Variants in LCMT1 observed in about 807,000 individuals in gnomAD.
LCMT1 encodes the protein leucine carboxyl methyltransferase 1.
A neutral mutation model predicts 47.7 loss-of-function variants in LCMT1; 32 were observed. That is an observed-to-expected ratio of 0.67 (90% confidence interval 0.51 to 0.90). LCMT1 has a LOEUF of 0.90. Ranked by LOEUF, LCMT1 falls within the 40% of genes least tolerant of loss-of-function variation. The probability of loss-of-function intolerance (pLI) is 0.00; values close to 1 mark genes in which losing one functional copy is unlikely to be tolerated. For missense variants in LCMT1, 375 were observed against 415.2 expected (o/e 0.90, Z 0.84); for synonymous variants, 152 against 149.7 (o/e 1.02, Z -0.11).
chr16:25,124,004 G>A (rs552681156), intron 1 of LCMT1, among the ~76,000 whole-genome samples: 1 of 152,180 alleles, frequency 6.6e-6, no homozygotes, highest in Non-Finnish European at 1.5e-5. Context: ...AACTTGTTTC[G>A]CAGGGGTAAG....
intron 6 of LCMT1, among the ~76,000 whole-genome samples, chr16:25,161,530 A>G (rs1047326039): frequency 3.9e-5 from 6 of 151,902 alleles, no homozygotes; most frequent in Non-Finnish European, 8.8e-5. Context: ...CTAAGTTTGT[A>G]TTTTTAGTAG....
chr16:25,163,377 G>A (rs150193701), intron 6 of LCMT1, among the ~76,000 whole-genome samples: 33 of 151,962 alleles, frequency 2.2e-4, no homozygotes, highest in African/African-American at 8.0e-4. Flanking sequence ...GCCAAGGCAG[G>A]GGAACTGCTT....
chr16:25,124,365 C>T (rs1007782700), intron 1 of LCMT1, among the ~76,000 whole-genome samples: 1 of 152,156 alleles, frequency 6.6e-6, no homozygotes, highest in Non-Finnish European at 1.5e-5. Context: ...GTATGGGGGG[C>T]AGATTTAAAT....
chr16:25,112,213 G>T (rs554724306), intron 1 of LCMT1, among the ~76,000 whole-genome samples: 2 of 152,230 alleles, frequency 1.3e-5, no homozygotes, highest in African/African-American at 4.8e-5. Flanking sequence ...GGGCCAGCCT[G>T]GGTATCGTCG....
Position 25,166,655 on chromosome 16 carries a change from T to G in LCMT1, c.690+1937T>G, listed in dbSNP as rs985156886. 1.3e-5 allele frequency among the ~76,000 whole-genome samples: 2 copies of G among 152,190 alleles called. 1 individual carries two copies. Among genetic ancestry groups the G allele is most frequent in the East Asian group, 3.8e-4 (2 of 5,200 alleles). On this transcript the variant is annotated intron_variant, in intron 7 of 10. Transcript: ENST00000399069. Reference sequence around the variant, plus strand: ...TTTTAAATCTCCTTTTCTTTTTTATTTTATCACACATAAGAGCCATCAGGG... The same window carrying G: ...TTTTAAATCTCCTTTTCTTTTTTATGTTATCACACATAAGAGCCATCAGGG...
intron 1 of LCMT1, among the ~76,000 whole-genome samples, chr16:25,113,442 C>T (rs1959691814): frequency 6.6e-6 from 1 of 152,202 alleles, no homozygotes; most frequent in Non-Finnish European, 1.5e-5. Flanking sequence ...CTAAACTTTT[C>T]TGTGGCTCAG....
At chr16:25,163,706 A>C (rs1238355939) in intron 6 of LCMT1, among the ~76,000 whole-genome samples, 1 of 152,172 alleles carries the variant, frequency 6.6e-6, no homozygotes, top group African/African-American at 2.4e-5. Context: ...GAAGCATCTG[A>C]TAGGCCACTT....
chr16:25,158,216 C>T (rs1483474666), intron 5 of LCMT1, among the ~76,000 whole-genome samples: 2 of 152,116 alleles, frequency 1.3e-5, no homozygotes, highest in African/African-American at 4.8e-5. Context: ...CAGTGGCACA[C>T]TCTCAGCTCA....
intron 3 of LCMT1, among the ~76,000 whole-genome samples, chr16:25,136,420 G>A (rs1960505948): frequency 6.6e-6 from 1 of 151,586 alleles, no homozygotes; most frequent in South Asian, 2.1e-4. Flanking sequence ...AGAAGAAGTT[G>A]AAGCATCACT....
At chr16:25,177,921 C>G (rs187058508) in intron 10 of LCMT1, 80 bp from the exon 11 acceptor site, 3 of 1,245,674 alleles carry the variant, frequency 2.4e-6, no homozygotes, top group Non-Finnish European at 3.6e-6. Context: ...GCCCCTGAGC[C>G]GGTCACTGGG....
chr16:25,153,939 T>G (rs747523088), intron 5 of LCMT1, among the ~76,000 whole-genome samples: 4 of 151,892 alleles, frequency 2.6e-5, no homozygotes, highest in Non-Finnish European at 4.4e-5. Context: ...AGTGACAGCA[T>G]GAGATGAGAG....
chr16:25,151,551 T>C lies in LCMT1; in HGVS notation c.405-3T>C, dbSNP rs751041936. On this transcript the variant is annotated splice_polypyrimidine_tract_variant and splice_region_variant and intron_variant, in intron 4 of 10. Transcript: ENST00000399069. ...TTTTCTCCTCTTTCCCATCTTCCCA[T>C]AGATGCAAGCCTCCCCTATCCAGCC... is the stretch of plus-strand genomic sequence containing the variant. 5 of 1,611,856 alleles carry C rather than the reference T, an allele frequency of 3.1e-6. No individual in the cohort carries two copies. In the East Asian group the frequency reaches 6.7e-5, roughly 22 times the overall value.
intron 3 of LCMT1, among the ~76,000 whole-genome samples, chr16:25,134,780 T>C (rs1318736143): frequency 6.6e-6 from 1 of 152,192 alleles, no homozygotes; most frequent in African/African-American, 2.4e-5. Context: ...TTTGTATTTT[T>C]AGTAGAGCTA....
chr16:25,141,620 G>A (rs976074409), intron 4 of LCMT1: 2 of 152,304 alleles, frequency 1.3e-5, no homozygotes, highest in East Asian at 1.9e-4. Context: ...GCCTCCCAAA[G>A]TGCTGGGATT....
Position 25,127,844 on chromosome 16 carries a change from A to G in LCMT1, c.114-631A>G, listed in dbSNP as rs79121634. On this transcript the variant is annotated intron_variant, in intron 1 of 10. Coordinates refer to ENST00000399069, the MANE Select transcript of LCMT1 (RefSeq NM_016309.3). ...AAAGCTGGTTCTACTCATGGTTGCA[A>G]GAAGGCTTCCTGTGCTAGATGAAGC... 3.4e-3 allele frequency among the ~76,000 whole-genome samples: 509 copies of G among 151,336 alleles called. 5 individuals are homozygous for G. The highest frequency in any genetic ancestry group is 3.4e-3 in the Admixed American group (52 of 15,126).
chr16:25,126,924 T>C (rs762017888), intron 1 of LCMT1, among the ~76,000 whole-genome samples: 6 of 152,262 alleles, frequency 3.9e-5, no homozygotes, highest in Non-Finnish European at 8.8e-5. Flanking sequence ...TGTGGGTTGC[T>C]GGGCTACCAT....
intron 5 of LCMT1, among the ~76,000 whole-genome samples, chr16:25,152,167 A>G (rs1327340237): frequency 1.3e-5 from 2 of 152,180 alleles, no homozygotes; most frequent in African/African-American, 2.4e-5. Context: ...CTCATCAGGA[A>G]GGAATGCTGG....
chr16:25,164,480 A>C, intron 6 of LCMT1, 118 bp from the exon 7 acceptor site: 5 of 1,185,244 alleles, frequency 4.2e-6, no homozygotes, highest in Non-Finnish European at 6.1e-6. Flanking sequence ...GTGCTTGCTC[A>C]GGCCTTCTGA....
chr16:25,171,002 G>A (rs981180763), intron 9 of LCMT1, among the ~76,000 whole-genome samples, 197 bp downstream of exon 9: 1 of 152,040 alleles, frequency 6.6e-6, no homozygotes, highest in African/African-American at 2.4e-5. Context: ...AGGCATAGGC[G>A]GGCAGATCAC....
Sources: gnomAD v4.1 joint callset for allele counts (sites outside exome capture counted in the v4.1 genomes callset) on GRCh38, gnomAD v4.1.1 for gene constraint, MANE v1.5 for transcripts, NCBI Gene and HGNC (gene_info 2026-07-23, HGNC 2026-07-21) for gene names.